SNX7: variants seen among roughly 807,000 people sequenced by gnomAD.
SNX7 encodes sorting nexin 7.
A neutral mutation model predicts 48.4 loss-of-function variants in SNX7; 35 were observed. The ratio of observed to expected loss-of-function variants is 0.72; its 90% confidence interval spans 0.55 to 0.96. SNX7 has a LOEUF of 0.96. Ranked by LOEUF, SNX7 falls within the 40% of genes least tolerant of loss-of-function variation. The pLI is 0.00. For synonymous variants in SNX7, 190 were observed against 190.2 expected (o/e 1.00, Z 0.01); for missense variants, 553 against 548.9 (o/e 1.01, Z -0.07).
At position 98,695,618 on chromosome 1, in the gene SNX7, C is replaced by T; in HGVS notation, c.740C>T (p.Pro247Leu). The change falls in exon 5 of 9, where the codon CCA becomes CTA. Residue 247 changes from proline to leucine, a missense_variant. Transcript: ENST00000306121. ...TCAATGAGAGGAGTTAAAAACCGCC[C>T]AGAGGAGTTCATGGAAATGAATAAC... Reference protein sequence around the residue: ...ASSMRGVKNRPEEFMEMNNFI... With the variant: ...ASSMRGVKNRLEEFMEMNNFI... The T allele has an allele frequency of 6.2e-7, 1 of 1,613,914 alleles. No homozygotes were observed. Among genetic ancestry groups the T allele is most frequent in the Admixed American group, 1.7e-5 (1 of 60,004 alleles).
intron 8 of SNX7, among the ~76,000 whole-genome samples, chr1:98,751,252 A>T (rs1654564150): frequency 6.6e-6 from 1 of 152,102 alleles, no homozygotes; most frequent in South Asian, 2.1e-4. Context: ...TTGTGGGATT[A>T]CTACCCACTT....
chr1:98,716,573 G>A (rs1652601610), intron 7 of SNX7, among the ~76,000 whole-genome samples: 1 of 152,112 alleles, frequency 6.6e-6, no homozygotes, highest in Admixed American at 6.6e-5. Context: ...TGAGTAGGGG[G>A]TGATGATGGC....
intron 7 of SNX7, among the ~76,000 whole-genome samples, chr1:98,719,064 C>A (rs558721439): frequency 6.6e-6 from 1 of 152,056 alleles, no homozygotes; most frequent in Admixed American, 6.6e-5. Context: ...ATTGCTAAAT[C>A]GGAGGGTATT....
chr1:98,670,127 T>G (rs1649771377), intron 1 of SNX7, among the ~76,000 whole-genome samples: 3 of 152,240 alleles, frequency 2.0e-5, no homozygotes, highest in Admixed American at 2.0e-4. Flanking sequence ...TAAATTAGTC[T>G]TAATTAATGG....
At chr1:98,716,416 A>G (rs11806350) in intron 7 of SNX7, among the ~76,000 whole-genome samples, 40,209 of 152,038 alleles carry the variant, frequency 0.26, 5,654 homozygotes, top group Middle Eastern at 0.31. Context: ...CAGTGTGGAC[A>G]TTAGTCTTGT....
intron 4 of SNX7, among the ~76,000 whole-genome samples, chr1:98,692,335 TTTATG>T (rs1203042975): frequency 6.6e-6 from 1 of 152,028 alleles, no homozygotes; most frequent in Non-Finnish European, 1.5e-5. Context: ...TGATACCAAG[TTTATG>T]TTGTCTGTTT....
intron 1 of SNX7, among the ~76,000 whole-genome samples, chr1:98,675,242 T>G (rs1325594226): frequency 6.6e-6 from 1 of 152,194 alleles, no homozygotes; most frequent in Non-Finnish European, 1.5e-5. Context: ...CTTCAGTTAT[T>G]CATGTCCAAA....
intron 4 of SNX7, among the ~76,000 whole-genome samples, chr1:98,694,230 C>T (rs1281159047): frequency 6.6e-6 from 1 of 151,816 alleles, no homozygotes; most frequent in Non-Finnish European, 1.5e-5. Context: ...ATTAGCCGGG[C>T]GCGGTGGTGG....
intron 8 of SNX7, among the ~76,000 whole-genome samples, chr1:98,752,572 G>A (rs1374322876): frequency 6.6e-6 from 1 of 151,966 alleles, no homozygotes; most frequent in Non-Finnish European, 1.5e-5. Context: ...ATATTTACAT[G>A]TTTGGAGAGC....
chr1:98,704,172 A>G (rs532072949), intron 7 of SNX7, among the ~76,000 whole-genome samples: 1 of 152,074 alleles, frequency 6.6e-6, no homozygotes, highest in East Asian at 1.9e-4. Flanking sequence ...TAATCAGTGT[A>G]TATTTATGAT....
chr1:98,724,990 A>G (rs1339142622), intron 7 of SNX7, among the ~76,000 whole-genome samples: 1 of 152,260 alleles, frequency 6.6e-6, no homozygotes, highest in East Asian at 1.9e-4. Flanking sequence ...GTTTCTTTTA[A>G]CACATATTTT....
chr1:98,667,547 T>A (rs1184166729), intron 1 of SNX7, among the ~76,000 whole-genome samples: 1 of 151,992 alleles, frequency 6.6e-6, no homozygotes, highest in Non-Finnish European at 1.5e-5. Context: ...CAGCATTTTT[T>A]TTTTTTGTAT....
intron 7 of SNX7, among the ~76,000 whole-genome samples, chr1:98,735,443 A>G (rs1306525908): frequency 6.6e-6 from 1 of 152,170 alleles, no homozygotes; most frequent in East Asian, 1.9e-4. Flanking sequence ...ATAGTCACCA[A>G]AAAATGACAA....
intron 7 of SNX7, among the ~76,000 whole-genome samples, chr1:98,736,179 A>AT (rs1363566675): frequency 6.6e-6 from 1 of 152,228 alleles, no homozygotes; most frequent in African/African-American, 2.4e-5. Flanking sequence ...CTGAAAGCCG[A>AT]TATCAGTAGA....
intron 8 of SNX7, among the ~76,000 whole-genome samples, chr1:98,753,130 G>A (rs2101056722): frequency 6.6e-6 from 1 of 152,096 alleles, no homozygotes; most frequent in South Asian, 2.1e-4. Flanking sequence ...GCTTAAAGAA[G>A]GTGATACATA....
intron 7 of SNX7, among the ~76,000 whole-genome samples, chr1:98,716,350 C>A (rs1367061318): frequency 6.6e-6 from 1 of 152,208 alleles, no homozygotes; most frequent in Non-Finnish European, 1.5e-5. Flanking sequence ...ACCTCCTCAT[C>A]TCGCTGCTTT....
At chr1:98,742,687 T>C (rs1460281369) in intron 8 of SNX7, among the ~76,000 whole-genome samples, 1 of 152,018 alleles carries the variant, frequency 6.6e-6, no homozygotes, top group African/African-American at 2.4e-5. Flanking sequence ...AGTACACAAA[T>C]GTATGATGAG....
intron 1 of SNX7, among the ~76,000 whole-genome samples, chr1:98,684,558 T>C (rs1650681408): frequency 6.6e-6 from 1 of 152,184 alleles, no homozygotes; most frequent in African/African-American, 2.4e-5. Flanking sequence ...CCTTATGACT[T>C]ACTCACCTTT....
chr1:98,691,580 A>C lies in SNX7; in HGVS notation c.520A>C (p.Asn174His), dbSNP rs753103197. Residue 174 changes from asparagine to histidine, a missense_variant, in exon 4 of 9, where the codon AAC (asparagine) becomes CAC (histidine). Physicochemically the swap from Asn to His is moderately conservative, Grantham distance 68. Coordinates refer to ENST00000306121, the MANE Select transcript of SNX7 (RefSeq NM_015976.5). ...AGTAAAAGGAATGGTGGAACGCTTT[A>C]ACGATGACTTCATTGAGACACGCAG... Reference protein sequence around the residue: ...FIVKGMVERFNDDFIETRRKA... With the variant: ...FIVKGMVERFHDDFIETRRKA... The C allele has an allele frequency of 1.9e-5, 30 of 1,608,786 alleles. 2 individuals carry two copies. The South Asian group carries it at 3.3e-4, about 18-fold the overall frequency.
Sources: gnomAD v4.1 joint callset for allele counts (sites outside exome capture counted in the v4.1 genomes callset) on GRCh38, gnomAD v4.1.1 for gene constraint, MANE v1.5 for transcripts, NCBI Gene and HGNC (gene_info 2026-07-23, HGNC 2026-07-21) for gene names.